TTLL11: variants seen among roughly 807,000 people sequenced by gnomAD.
TTLL11 encodes the protein tubulin polyglutamylase TTLL11.
A neutral mutation model predicts 51.7 loss-of-function variants in TTLL11; 42 were observed. That is an observed-to-expected ratio of 0.81 (90% confidence interval 0.64 to 1.05). The LOEUF is 1.05. TTLL11 is among the 50% of genes least tolerant of loss of function. TTLL11 has a pLI of 0.00. For missense variants in TTLL11, 799 were observed against 940.4 expected, an observed-to-expected ratio of 0.85 and a Z score of 1.97; for synonymous variants, 381 against 383.5, an observed-to-expected ratio of 0.99 and a Z score of 0.08.
intron 6 of TTLL11, among the ~76,000 whole-genome samples, chr9:121,891,705 A>T (rs765342112): frequency 3.8e-4 from 58 of 152,086 alleles, no homozygotes; most frequent in Non-Finnish European, 7.5e-4. Flanking sequence ...AACTGTGCTG[A>T]TCCCTCATTT....
intron 6 of TTLL11, among the ~76,000 whole-genome samples, chr9:121,945,283 G>T (rs189956724): frequency 6.6e-5 from 10 of 152,366 alleles, no homozygotes; most frequent in Admixed American, 4.6e-4. Flanking sequence ...GAGGTTTGCT[G>T]AGGTCCCATC....
intron 1 of TTLL11, among the ~76,000 whole-genome samples, chr9:122,042,113 A>C (rs73552043): frequency 0.045 from 6,734 of 150,812 alleles, 290 homozygotes; most frequent in Admixed American, 0.13. Context: ...GGATCAAGTG[A>C]TTCTTTCTCT....
chr9:122,002,679 G>C (rs1843506792), intron 3 of TTLL11, among the ~76,000 whole-genome samples: 1 of 152,098 alleles, frequency 6.6e-6, no homozygotes, highest in South Asian at 2.1e-4. Flanking sequence ...GGGTGCGGTG[G>C]CTCATGCCTG....
intron 4 of TTLL11, among the ~76,000 whole-genome samples, chr9:121,980,167 G>C (rs1009221571): frequency 7.3e-6 from 1 of 136,444 alleles, no homozygotes; most frequent in Non-Finnish European, 1.6e-5. Context: ...ATCTACCTAG[G>C]AGGGCCAGGG....
intron 3 of TTLL11, among the ~76,000 whole-genome samples, chr9:121,998,691 TCAATTGCAGTATTGAG>T (rs1300983976): frequency 1.3e-5 from 2 of 152,076 alleles, no homozygotes; most frequent in Non-Finnish European, 2.9e-5. Flanking sequence ...GCAGTATTGC[TCAATTGCAGTATTGAG>T]CAATTGCAGT....
rs1162921172 is a variant in TTLL11, at chr9:121,860,460, G to A, written c.1734-17C>T. On this transcript the variant is annotated splice_polypyrimidine_tract_variant and intron_variant, in intron 7 of 8. Coordinates refer to ENST00000321582, the MANE Select transcript of TTLL11 (RefSeq NM_001139442.2). ...TTGCAGCTCCTGCCAACAATGGGAA[G>A]TGACATGTCACTGCCAGCCTGAAAC... 2.6e-6 allele frequency: 4 copies of A among 1,547,528 alleles called. No individual in the cohort carries two copies. The South Asian group carries it at 3.6e-5, about 14-fold the overall frequency.
chr9:121,829,774 TACACAC>T (rs10536790), intron 8 of TTLL11, among the ~76,000 whole-genome samples: 2,869 of 143,748 alleles, frequency 0.02, 36 homozygotes, highest in South Asian at 0.046. Context: ...ATAATTCAAG[TACACAC>T]ACACACACAC....
intron 6 of TTLL11, among the ~76,000 whole-genome samples, chr9:121,930,691 C>T (rs1840932761): frequency 6.6e-6 from 1 of 152,200 alleles, no homozygotes; most frequent in South Asian, 2.1e-4. Context: ...GGCTGCTGTC[C>T]CAGGTCTGCC....
chr9:121,893,009 T>C (rs1839312712), intron 6 of TTLL11, among the ~76,000 whole-genome samples: 1 of 152,176 alleles, frequency 6.6e-6, no homozygotes, highest in African/African-American at 2.4e-5. Context: ...TCACAACCTA[T>C]GGTCCCAGAG....
chr9:122,059,245 C>A (rs562533506), intron 1 of TTLL11, among the ~76,000 whole-genome samples: 12 of 152,304 alleles, frequency 7.9e-5, no homozygotes, highest in Admixed American at 6.5e-4. Context: ...ATGCCTATCA[C>A]GTGCTAGCTA....
At chr9:121,849,783 T>C (rs867255657) in intron 8 of TTLL11, among the ~76,000 whole-genome samples, 23 of 152,166 alleles carry the variant, frequency 1.5e-4, no homozygotes, top group African/African-American at 5.3e-4. Flanking sequence ...AGAACTCTCA[T>C]TGATTACTGT....
intron 6 of TTLL11, among the ~76,000 whole-genome samples, chr9:121,915,297 C>A (rs537118542): frequency 1.3e-5 from 2 of 152,180 alleles, no homozygotes; most frequent in African/African-American, 4.8e-5. Context: ...TTAAACCATA[C>A]GAAATAGCAG....
chr9:121,993,865 T>C (rs1456103603), intron 3 of TTLL11, among the ~76,000 whole-genome samples: 1 of 152,238 alleles, frequency 6.6e-6, no homozygotes, highest in East Asian at 1.9e-4. Context: ...GTTAGGGCAG[T>C]CCTTTGTCAC....
At chr9:122,057,594 TG>T (rs1321076969) in intron 1 of TTLL11, among the ~76,000 whole-genome samples, 2 of 152,140 alleles carry the variant, frequency 1.3e-5, no homozygotes, top group Non-Finnish European at 2.9e-5. Context: ...CCCAAATCGC[TG>T]GGATTACAGG....
At chr9:122,053,969 A>T (rs1845229252) in intron 1 of TTLL11, among the ~76,000 whole-genome samples, 1 of 152,194 alleles carries the variant, frequency 6.6e-6, no homozygotes, top group Non-Finnish European at 1.5e-5. Context: ...TAGAGCCAAT[A>T]AATATAGCAA....
At chr9:121,956,065 A>T (rs903155199) in intron 6 of TTLL11, among the ~76,000 whole-genome samples, 18 of 150,884 alleles carry the variant, frequency 1.2e-4, no homozygotes, top group African/African-American at 4.5e-4. Context: ...GAAGGACCTA[A>T]GTTTAAATTA....
At chr9:121,988,915 ATG>A (rs1843010323) in intron 4 of TTLL11, 2 of 596,362 alleles carry the variant, frequency 3.4e-6, no homozygotes, top group African/African-American at 3.7e-5. Flanking sequence ...TCTGCTTTAC[ATG>A]TGTTATCTCA....
At chr9:121,856,945 C>T (rs888579181) in intron 8 of TTLL11, among the ~76,000 whole-genome samples, 2 of 152,222 alleles carry the variant, frequency 1.3e-5, no homozygotes, top group African/African-American at 2.4e-5. Context: ...GCTTCCTGAA[C>T]GGTCCTAAGA....
intron 8 of TTLL11, among the ~76,000 whole-genome samples, chr9:121,835,557 A>G (rs1303931531): frequency 6.6e-6 from 1 of 152,214 alleles, no homozygotes; most frequent in East Asian, 1.9e-4. Context: ...CCTTGGCCGG[A>G]TGGAGAAATT....
Sources: allele counts gnomAD v4.1 joint callset (sites outside exome capture counted in the v4.1 genomes callset), GRCh38; gene constraint gnomAD v4.1.1; transcripts MANE v1.5; gene names NCBI Gene and HGNC (gene_info 2026-07-23, HGNC 2026-07-21).